PPP3CA: variants seen among roughly 807,000 people sequenced by gnomAD.
PPP3CA encodes CAM-PRP catalytic subunit.
A neutral mutation model predicts 66.5 loss-of-function variants in PPP3CA; 14 were observed. The ratio of observed to expected loss-of-function variants is 0.21; its 90% confidence interval spans 0.14 to 0.33. The LOEUF (loss-of-function observed/expected upper bound fraction) is 0.33. Among genes scored for constraint, PPP3CA ranks in the 10% least tolerant of loss-of-function variants. The pLI is 1.00. For missense variants in PPP3CA, 317 were observed against 639.5 expected (o/e 0.50, Z 5.44); for synonymous variants, 232 against 226.2 (o/e 1.03, Z -0.23).
chr4:101,212,470 G>A (rs925337988), intron 1 of PPP3CA, among the ~76,000 whole-genome samples: 2 of 152,132 alleles, frequency 1.3e-5, no homozygotes, highest in Non-Finnish European at 2.9e-5. Context: ...CAAGGAGGGT[G>A]TTAGGGGAGG....
intron 1 of PPP3CA, among the ~76,000 whole-genome samples, chr4:101,221,107 G>T (rs1401512667): frequency 6.6e-6 from 1 of 151,592 alleles, no homozygotes; most frequent in Non-Finnish European, 1.5e-5. Context: ...CCTATGAAAT[G>T]ACTTGCTTCC....
rs75577041 is a variant in PPP3CA at position 101,165,861 on chromosome 4, T to C, written c.259+30055A>G. Among the ~76,000 whole-genome samples the C allele has an allele frequency of 2.6e-3, 400 of 152,174 alleles. 12 individuals are homozygous for C. The East Asian group carries it at 0.036, about 14-fold the overall frequency. ...ATTTTCTATATAACAACAGAAGTGGTTTGCATGTTAAATAAGATTAGTCTT... is the reference window on the plus strand; with the variant it reads ...ATTTTCTATATAACAACAGAAGTGGCTTGCATGTTAAATAAGATTAGTCTT... On this transcript the variant is annotated intron_variant, in intron 2 of 13. Transcript: ENST00000394854.
chr4:101,335,074 T>C (rs1414734970), intron 1 of PPP3CA, among the ~76,000 whole-genome samples: 1 of 152,112 alleles, frequency 6.6e-6, no homozygotes, highest in African/African-American at 2.4e-5. Context: ...CACTCTCGTT[T>C]ATACGTAGAT....
chr4:101,212,526 A>T (rs1232556598), intron 1 of PPP3CA, among the ~76,000 whole-genome samples: 1 of 152,090 alleles, frequency 6.6e-6, no homozygotes, highest in African/African-American at 2.4e-5. Flanking sequence ...CTTAATACCT[A>T]GGTGATGGGA....
chr4:101,253,250 T>G (rs1049483920), intron 1 of PPP3CA, among the ~76,000 whole-genome samples: 2 of 152,158 alleles, frequency 1.3e-5, no homozygotes, highest in Non-Finnish European at 2.9e-5. Flanking sequence ...AAATAGAATG[T>G]CCCTGCTACT....
chr4:101,118,780 T>C (rs922196623), intron 2 of PPP3CA, among the ~76,000 whole-genome samples: 1 of 151,986 alleles, frequency 6.6e-6, no homozygotes, highest in African/African-American at 2.4e-5. Flanking sequence ...TGCATAGACT[T>C]CTAATTTGCT....
At chr4:101,137,887 A>C (rs1295848682) in intron 2 of PPP3CA, among the ~76,000 whole-genome samples, 1 of 151,318 alleles carries the variant, frequency 6.6e-6, no homozygotes, top group Non-Finnish European at 1.5e-5. Flanking sequence ...CAGTCCACAA[A>C]AAAAAAAAAA....
intron 2 of PPP3CA, among the ~76,000 whole-genome samples, chr4:101,150,143 AG>A (rs1223510017): frequency 1.3e-5 from 2 of 152,270 alleles, no homozygotes; most frequent in African/African-American, 4.8e-5. Context: ...CTGAAATAGA[AG>A]GAATAAAATA....
intron 2 of PPP3CA, among the ~76,000 whole-genome samples, chr4:101,148,810 C>A (rs992806332): frequency 6.6e-6 from 1 of 152,048 alleles, no homozygotes; most frequent in African/African-American, 2.4e-5. Context: ...AACATGTTAC[C>A]ATGACACCTT....
intron 1 of PPP3CA, among the ~76,000 whole-genome samples, chr4:101,300,487 A>T (rs1055379499): frequency 6.6e-6 from 1 of 152,156 alleles, no homozygotes; most frequent in Non-Finnish European, 1.5e-5. Flanking sequence ...TAATGTTTTA[A>T]ATTAATTTTA....
intron 1 of PPP3CA, among the ~76,000 whole-genome samples, chr4:101,263,391 C>T (rs1727066059): frequency 6.6e-6 from 1 of 152,142 alleles, no homozygotes; most frequent in Non-Finnish European, 1.5e-5. Flanking sequence ...ATTCTTGTCC[C>T]TGTTACTGTA....
chr4:101,178,463 C>T (rs532576909), intron 2 of PPP3CA, among the ~76,000 whole-genome samples: 1 of 152,172 alleles, frequency 6.6e-6, no homozygotes, highest in South Asian at 2.1e-4. Context: ...CATGGTCATA[C>T]TGCCCCTGAA....
intron 2 of PPP3CA, among the ~76,000 whole-genome samples, chr4:101,124,608 C>CA (rs1722136002): frequency 7.6e-6 from 1 of 131,098 alleles, no homozygotes. Context: ...GACTCTGTCT[C>CA]AAAAAAAGAA....
At chr4:101,233,399 C>A (rs1726026983) in intron 1 of PPP3CA, among the ~76,000 whole-genome samples, 1 of 151,790 alleles carries the variant, frequency 6.6e-6, no homozygotes, top group African/African-American at 2.4e-5. Context: ...TTCAATTACT[C>A]TTTACACAAC....
intron 1 of PPP3CA, among the ~76,000 whole-genome samples, chr4:101,240,166 T>C (rs775684695): frequency 3.2e-4 from 49 of 152,152 alleles, no homozygotes; most frequent in Middle Eastern, 3.4e-3. Context: ...AACGCATTTC[T>C]AAAAGTGAGA....
intron 1 of PPP3CA, among the ~76,000 whole-genome samples, chr4:101,235,708 A>G (rs1726106234): frequency 6.6e-6 from 1 of 151,836 alleles, no homozygotes; most frequent in Non-Finnish European, 1.5e-5. Flanking sequence ...TGGAATAATC[A>G]TTACTTATTT....
chr4:101,298,870 TG>T (rs1728280248), intron 1 of PPP3CA, among the ~76,000 whole-genome samples: 2 of 122,152 alleles, frequency 1.6e-5, no homozygotes, highest in Non-Finnish European at 3.4e-5. Context: ...TGTGTGTGTG[TG>T]TGTGTGTGTG....
intron 2 of PPP3CA, among the ~76,000 whole-genome samples, chr4:101,164,038 T>C (rs970693769): frequency 5.6e-4 from 8 of 14,220 alleles, no homozygotes; most frequent in African/African-American, 3.3e-3. Flanking sequence ...TGGAGTGCAG[T>C]GGTGTAATCA....
At chr4:101,121,907 C>T (rs942682841) in intron 2 of PPP3CA, among the ~76,000 whole-genome samples, 2 of 152,058 alleles carry the variant, frequency 1.3e-5, no homozygotes, top group African/African-American at 4.8e-5. Context: ...GAGACACTGA[C>T]GTTTGACCAT....
Sources: gnomAD v4.1 joint callset for allele counts (sites outside exome capture counted in the v4.1 genomes callset) on GRCh38, gnomAD v4.1.1 for gene constraint, MANE v1.5 for transcripts, NCBI Gene and HGNC (gene_info 2026-07-23, HGNC 2026-07-21) for gene names.